Variants in DSC3 observed in about 807,000 individuals in gnomAD.
DSC3 encodes the protein desmocollin 3.
DSC3 carries 97 observed loss-of-function variants against 89.5 expected under a neutral mutation model. That is an observed-to-expected ratio of 1.08 (90% CI 0.92 to 1.28). The LOEUF is 1.28. Ranked by LOEUF, DSC3 falls within the 50% of genes most tolerant of loss-of-function variation. DSC3 has a pLI of 0.00. For missense variants in DSC3, 1,199 were observed against 1,085.3 expected (o/e 1.10, Z -1.47); for synonymous variants, 436 against 384.1 (o/e 1.14, Z -1.58).
intron 14 of DSC3, among the ~76,000 whole-genome samples, chr18:30,997,353 A>C (rs1390666802): frequency 1.3e-5 from 2 of 152,170 alleles, no homozygotes; most frequent in African/African-American, 4.8e-5. Flanking sequence ...CCATGGCAGA[A>C]GGTGGAAGGG....
chr18:30,994,863 G>T (rs1177692636), intron 15 of DSC3, among the ~76,000 whole-genome samples: 2 of 152,050 alleles, frequency 1.3e-5, no homozygotes, highest in Non-Finnish European at 2.9e-5. Context: ...AAATAATGAC[G>T]CATAATACAC....
At chr18:31,030,181 C>A (rs1427716450) in intron 3 of DSC3, among the ~76,000 whole-genome samples, 1 of 152,142 alleles carries the variant, frequency 6.6e-6, no homozygotes, top group Non-Finnish European at 1.5e-5. Context: ...ATGCCAAGTG[C>A]AGAGTAGCCA....
chr18:31,035,124 C>A (rs1303684759), intron 1 of DSC3, among the ~76,000 whole-genome samples: 1 of 152,008 alleles, frequency 6.6e-6, no homozygotes, highest in African/African-American at 2.4e-5. Flanking sequence ...TATTTTATTT[C>A]TGATATAATC....
At chr18:31,005,456 T>C (rs1271818331) in intron 12 of DSC3, among the ~76,000 whole-genome samples, 2 of 152,178 alleles carry the variant, frequency 1.3e-5, no homozygotes, top group Admixed American at 1.3e-4. Flanking sequence ...AATGCATAAT[T>C]GCTGTTGCCT....
At chr18:31,012,485 A>C (rs1360168622) in intron 9 of DSC3, among the ~76,000 whole-genome samples, 1 of 152,186 alleles carries the variant, frequency 6.6e-6, no homozygotes, top group Admixed American at 6.5e-5. Context: ...GAACAGAGTT[A>C]TCTCTCCTAG....
In DSC3 at chr18:31,030,843, G is replaced by A. The variant is rs757058095; in HGVS notation, c.354+130C>T. 2.9e-4 allele frequency: 243 copies of A among 848,734 alleles called. 1 individual carries two copies. The highest frequency in any genetic ancestry group is 4.1e-4 in the Non-Finnish European group (218 of 528,514). 52.6% of individuals were successfully genotyped at this position (848,734 alleles called of 1,614,324 possible). On this transcript the variant is annotated intron_variant, in intron 3 of 15. Transcript: ENST00000360428. ...AAAAGGGTAAGAAAATGGAAACGAA[G>A]TGAAAGGAAAGGAAACAAAATGAAA...
intron 12 of DSC3, among the ~76,000 whole-genome samples, chr18:31,005,230 A>C (rs1191901118): frequency 6.6e-6 from 1 of 152,194 alleles, no homozygotes; most frequent in Non-Finnish European, 1.5e-5. Flanking sequence ...AGGACCCTTC[A>C]AGACCACACT....
chr18:30,996,743 C>G, intron 15 of DSC3, 48 bp downstream of exon 15: 1 of 1,605,740 alleles, frequency 6.2e-7, no homozygotes, highest in Non-Finnish European at 8.5e-7. Context: ...CTATTTTTCT[C>G]CATTCGGAGG....
At chr18:31,002,214 A>G (rs895560012) in intron 13 of DSC3, among the ~76,000 whole-genome samples, 1 of 152,234 alleles carries the variant, frequency 6.6e-6, no homozygotes, top group Non-Finnish European at 1.5e-5. Flanking sequence ...ATTCTAAATC[A>G]TAATTGTGGG....
Position 30,996,778 on chromosome 18 carries a change from T to C in DSC3, c.2493+13A>G. 1 of 1,613,004 alleles carries C rather than the reference T, an allele frequency of 6.2e-7. No homozygotes were observed. Among genetic ancestry groups the C allele is most frequent in the Non-Finnish European group, 8.5e-7 (1 of 1,179,930 alleles). Reference sequence around the variant, plus strand: ...GTTTAAATTTTAGACTCAAAACACCTAAGGAAACTCACTTCACCGAGACGG... The same window carrying C: ...GTTTAAATTTTAGACTCAAAACACCCAAGGAAACTCACTTCACCGAGACGG... On this transcript the variant is annotated intron_variant, in intron 15 of 15. Transcript: ENST00000360428.
Position 31,031,703 on chromosome 18 carries a change from A to G in DSC3, c.154+489T>C, listed in dbSNP as rs148686832. Among the ~76,000 whole-genome samples, 329 of 152,166 alleles carry G rather than the reference A, an allele frequency of 2.2e-3. 1 individual carries two copies. The highest frequency in any genetic ancestry group is 2.6e-3 in the Non-Finnish European group (174 of 67,998). On this transcript the variant is annotated intron_variant, in intron 2 of 15. Coordinates refer to ENST00000360428, the MANE Select transcript of DSC3 (RefSeq NM_001941.5). ...ACAATTTTCCCTGGAGGCCCAAAAT[A>G]CTCTGTGTGTTCCAAGCTTTCCAAG...
chr18:30,999,946 A>C (rs749308899), intron 14 of DSC3, among the ~76,000 whole-genome samples: 1 of 152,212 alleles, frequency 6.6e-6, no homozygotes, highest in Non-Finnish European at 1.5e-5. Flanking sequence ...CTCTAGCATT[A>C]AATGGCAAAG....
At chr18:30,996,691 G>C in intron 15 of DSC3, 100 bp downstream of exon 15, 1 of 1,425,438 alleles carries the variant, frequency 7.0e-7, no homozygotes, top group Non-Finnish European at 9.6e-7. Context: ...GCAAGAGAGA[G>C]CCCACAGAAA....
At position 31,018,658 on chromosome 18, in the gene DSC3, A is replaced by G; in HGVS notation, c.1077+8T>C. On this transcript the variant is annotated splice_region_variant and intron_variant, in intron 8 of 15. Transcript: ENST00000360428. ...AGACAGAGGCAGATTTTGATATTAT[A>G]TACTTACAGCATTTTGTCTGAAAGT... 1.2e-6 allele frequency: 2 copies of G among 1,612,022 alleles called. No individual in the cohort carries two copies.
chr18:30,989,407 C>T lies in DSC3; in HGVS notation c.*4768G>A, dbSNP rs1433367319. On this transcript the variant is annotated 3_prime_UTR_variant, in exon 16 of 16. Coordinates refer to ENST00000360428, the MANE Select transcript of DSC3 (RefSeq NM_001941.5). ...ATATGAATGTCCAGAGTAGGCAAAT[C>T]CATAGAGACAGAAAAGATATCAGTG... Among the ~76,000 whole-genome samples the T allele has an allele frequency of 1.3e-5, 2 of 152,026 alleles. No homozygotes were observed. The highest frequency in any genetic ancestry group is 4.8e-5 in the African/African-American group (2 of 41,390).
chr18:30,995,996 A>AAAAAAAAAAAAT (rs1555631968), intron 15 of DSC3, among the ~76,000 whole-genome samples: 1 of 136,410 alleles, frequency 7.3e-6, no homozygotes, highest in African/African-American at 3.0e-5. Context: ...AAAAAAAAAA[A>AAAAAAAAAAAAT]AAAGAAAAGA....
At chr18:30,996,244 A>G (rs1279352957) in intron 15 of DSC3, among the ~76,000 whole-genome samples, 1 of 152,146 alleles carries the variant, frequency 6.6e-6, no homozygotes, top group East Asian at 1.9e-4. Flanking sequence ...AAAAATAAGT[A>G]TTTGAGGTGA....
intron 9 of DSC3, among the ~76,000 whole-genome samples, chr18:31,015,797 C>T (rs1033129594): frequency 3.3e-5 from 5 of 152,112 alleles, no homozygotes; most frequent in Non-Finnish European, 5.9e-5. Flanking sequence ...TAAACTATTC[C>T]TTTGACTCAT....
chr18:31,017,232 G>A (rs1379314753), intron 9 of DSC3, among the ~76,000 whole-genome samples: 1 of 152,120 alleles, frequency 6.6e-6, no homozygotes, highest in Admixed American at 6.5e-5. Flanking sequence ...CTTAGTATAG[G>A]AGCCTTGGAA....
Sources: allele counts gnomAD v4.1 joint callset (sites outside exome capture counted in the v4.1 genomes callset), GRCh38; gene constraint gnomAD v4.1.1; transcripts MANE v1.5; gene names NCBI Gene and HGNC (gene_info 2026-07-23, HGNC 2026-07-21).